MEGF11: variants seen among roughly 807,000 people sequenced by gnomAD.
MEGF11 encodes the protein multiple EGF like domains 11.
MEGF11 carries 126 observed loss-of-function variants against 146.6 expected under a neutral mutation model. That is an observed-to-expected ratio of 0.86 (90% CI 0.74 to 1.00). The LOEUF (loss-of-function observed/expected upper bound fraction) is 1.00, where lower values mean the gene tolerates loss of function less well. MEGF11 is among the 50% of genes least tolerant of loss of function. The pLI, the probability that MEGF11 is intolerant of heterozygous loss-of-function variation, is 0.00. For missense variants in MEGF11, 1,509 were observed against 1,521.2 expected (o/e 0.99, Z 0.13); for synonymous variants, 532 against 583.4 (o/e 0.91, Z 1.27).
intron 5 of MEGF11, among the ~76,000 whole-genome samples, chr15:65,989,208 G>A (rs1318075185): frequency 3.3e-5 from 5 of 152,184 alleles, no homozygotes; most frequent in Admixed American, 6.5e-5. Context: ...GGTGGGGTGG[G>A]AGAGAAGGTT....
chr15:65,970,512 G>A (rs749104733), intron 8 of MEGF11, 41 bp downstream of exon 8: 3 of 1,598,438 alleles, frequency 1.9e-6, no homozygotes, highest in East Asian at 2.2e-5. Flanking sequence ...ATGAATATGA[G>A]TAAAATGGAC....
At chr15:65,910,334 C>T (rs2078760600) in intron 21 of MEGF11, among the ~76,000 whole-genome samples, 1 of 152,146 alleles carries the variant, frequency 6.6e-6, no homozygotes, top group South Asian at 2.1e-4. Flanking sequence ...TCTGCATTTT[C>T]ACAGCTGCCC....
At chr15:66,137,823 C>T (rs138666904) in intron 1 of MEGF11, among the ~76,000 whole-genome samples, 55 of 152,212 alleles carry the variant, frequency 3.6e-4, no homozygotes, top group African/African-American at 1.1e-3. Flanking sequence ...GCTGGGATTA[C>T]AGGCATGAGC....
rs552303365 is a variant in MEGF11, at chr15:65,912,482, G to A, written c.2711-282C>T. The A allele has an allele frequency of 9.5e-5, 24 of 252,598 alleles. No homozygotes were observed. In the South Asian group the frequency reaches 1.4e-3, roughly 15 times the overall value. The allele number at this position is 252,598 out of a possible 1,614,324, so 15.6% of individuals were successfully genotyped here. A position where few individuals can be genotyped will look rare whatever the true frequency, so the allele number is the denominator to read the frequency against. Reference sequence around the variant, plus strand: ...ATCAACTGGAGCCTGGATGGGGCATGTTTGCTTTGATAGCCTTACATGTCC... The same window carrying A: ...ATCAACTGGAGCCTGGATGGGGCATATTTGCTTTGATAGCCTTACATGTCC... On this transcript the variant is annotated intron_variant, in intron 20 of 25. Coordinates refer to ENST00000395614, the MANE Select transcript of MEGF11 (RefSeq NM_001385028.1).
chr15:66,080,923 G>A (rs958124094), intron 5 of MEGF11, among the ~76,000 whole-genome samples: 1 of 152,248 alleles, frequency 6.6e-6, no homozygotes, highest in Non-Finnish European at 1.5e-5. Flanking sequence ...AGCTGCACGC[G>A]AGGAACAGTG....
intron 10 of MEGF11, among the ~76,000 whole-genome samples, chr15:65,940,045 A>C (rs1259919969): frequency 6.6e-6 from 1 of 152,190 alleles, no homozygotes; most frequent in Non-Finnish European, 1.5e-5. Flanking sequence ...CAGGGGATAC[A>C]CAGGGAGTGG....
At position 65,965,109 on chromosome 15, in the gene MEGF11, T is replaced by G. The variant is rs2081016999; in HGVS notation, c.911A>C (p.Glu304Ala). 1 of 1,590,326 alleles carries G rather than the reference T, an allele frequency of 6.3e-7. No homozygotes were observed. Residue 304 changes from glutamate (E) to alanine (A), a missense_variant, in exon 9 of 26, where the codon GAG (glutamate) becomes GCG (alanine). Coordinates refer to ENST00000395614, the MANE Select transcript of MEGF11 (RefSeq NM_001385028.1). ...GAAGCCGAAGGACCCGAAGGGGCAC[T>G]CCTCTTGGCACCTGTGGGAGAGCAG... is the stretch of plus-strand genomic sequence containing the variant. ...AGYMGDRCQE[E>A]CPFGSFGFQC...
chr15:66,136,296 C>T (rs1456425727), intron 1 of MEGF11, among the ~76,000 whole-genome samples: 6 of 152,228 alleles, frequency 3.9e-5, no homozygotes, highest in African/African-American at 1.4e-4. Flanking sequence ...GCCCACCTCT[C>T]TGTCCAATCT....
intron 5 of MEGF11, among the ~76,000 whole-genome samples, chr15:66,048,698 G>A (rs1246662392): frequency 6.6e-6 from 1 of 152,248 alleles, no homozygotes. Flanking sequence ...CAAAAAGGGA[G>A]GGAAAGGCCT....
chr15:66,128,490 G>GT, intron 1 of MEGF11, 79 bp from the exon 2 acceptor site: 1 of 759,210 alleles, frequency 1.3e-6, no homozygotes, highest in Non-Finnish European at 1.9e-6. Context: ...ATCGTCGTGG[G>GT]TAATGAGCAT....
intron 3 of MEGF11, among the ~76,000 whole-genome samples, chr15:66,119,637 C>A (rs1456621434): frequency 1.3e-5 from 2 of 152,076 alleles, no homozygotes; most frequent in Non-Finnish European, 2.9e-5. Flanking sequence ...TATTGGTCCC[C>A]CCACTTGAAG....
chr15:66,129,792 C>A (rs2088562230), intron 1 of MEGF11, among the ~76,000 whole-genome samples: 2 of 152,198 alleles, frequency 1.3e-5, no homozygotes, highest in Non-Finnish European at 2.9e-5. Context: ...TCTTTCTCAG[C>A]AGCTCCTTCA....
intron 5 of MEGF11, among the ~76,000 whole-genome samples, chr15:66,010,262 G>A (rs2082671904): frequency 6.8e-6 from 1 of 147,876 alleles, no homozygotes; most frequent in South Asian, 2.1e-4. Context: ...GCATGATCTC[G>A]GCTCACTGCA....
chr15:65,993,867 C>A (rs1241172138), intron 5 of MEGF11, among the ~76,000 whole-genome samples: 1 of 152,234 alleles, frequency 6.6e-6, no homozygotes, highest in Non-Finnish European at 1.5e-5. Flanking sequence ...GAGGGAGCCT[C>A]TCTCTATCTC....
intron 5 of MEGF11, among the ~76,000 whole-genome samples, chr15:66,020,226 T>A (rs2083062381): frequency 6.6e-6 from 1 of 152,248 alleles, no homozygotes. Flanking sequence ...GATTCAATCC[T>A]GGGACTCCAA....
chr15:66,011,943 A>G (rs1261073244), intron 5 of MEGF11, among the ~76,000 whole-genome samples: 2 of 152,182 alleles, frequency 1.3e-5, no homozygotes. Context: ...GCATGTGCAT[A>G]AAGAACGCAA....
chr15:66,081,488 C>A (rs150016525), intron 5 of MEGF11, among the ~76,000 whole-genome samples: 27 of 152,350 alleles, frequency 1.8e-4, no homozygotes, highest in African/African-American at 6.5e-4. Flanking sequence ...AAGCTATTCT[C>A]CTGCCTTAGC....
chr15:66,024,984 T>TC (rs969391881), intron 5 of MEGF11, among the ~76,000 whole-genome samples: 3 of 142,256 alleles, frequency 2.1e-5, no homozygotes, highest in African/African-American at 5.1e-5. Context: ...GCTTTGAGCC[T>TC]CCCCCACCCC....
At chr15:65,901,895 A>G (rs1442837609) in intron 24 of MEGF11, 2 of 152,082 alleles carry the variant, frequency 1.3e-5, no homozygotes, top group South Asian at 2.1e-4. Context: ...AAAATTTGCT[A>G]ATATAATTCC....
Sources: gnomAD v4.1 joint callset for allele counts (sites outside exome capture counted in the v4.1 genomes callset) on GRCh38, gnomAD v4.1.1 for gene constraint, MANE v1.5 for transcripts, NCBI Gene and HGNC (gene_info 2026-07-23, HGNC 2026-07-21) for gene names.